Variants in ESCO1 observed in about 807,000 individuals in gnomAD.
The protein encoded by ESCO1 is N-acetyltransferase ESCO1.
A neutral mutation model predicts 83.5 loss-of-function variants in ESCO1; 33 were observed. The ratio of observed to expected loss-of-function variants is 0.40; its 90% CI spans 0.30 to 0.53. The LOEUF is 0.53. ESCO1 is among the 20% of genes least tolerant of loss of function. ESCO1 has a pLI of 0.63. For missense variants in ESCO1, 855 were observed against 968.0 expected, an observed-to-expected ratio of 0.88 and a Z score of 1.55; for synonymous variants, 332 against 324.3, an observed-to-expected ratio of 1.02 and a Z score of -0.25.
chr18:21,553,898 C>T (rs956084456), intron 8 of ESCO1, among the ~76,000 whole-genome samples: 3 of 149,636 alleles, frequency 2.0e-5, no homozygotes, highest in African/African-American at 4.9e-5. Flanking sequence ...CAAAAAAAAC[C>T]GTTACCCAAA....
Position 21,582,135 on chromosome 18 carries a change from T to C in ESCO1, c.-694+2175A>G, listed in dbSNP as rs2038511088. On this transcript the variant is annotated intron_variant, in intron 2 of 11. Transcript: ENST00000269214. ...GTGTTAGAAAAACTGGGTAACCATC[T>C]AGGTAACCTATTCTAGTTTATGAGT... Among the ~76,000 whole-genome samples, 5 of 152,234 alleles carry C rather than the reference T, an allele frequency of 3.3e-5. No homozygotes were observed. In the South Asian group the frequency reaches 1.0e-3, roughly 32 times the overall value.
At chr18:21,552,449 G>A (rs61475948) in intron 8 of ESCO1, among the ~76,000 whole-genome samples, 4 of 152,066 alleles carry the variant, frequency 2.6e-5, no homozygotes, top group African/African-American at 9.7e-5. Context: ...CCGTTTGCTC[G>A]GCACTTCTCT....
intron 10 of ESCO1, among the ~76,000 whole-genome samples, chr18:21,535,604 G>A (rs941262699): frequency 3.9e-5 from 6 of 152,018 alleles, no homozygotes; most frequent in African/African-American, 1.2e-4. Flanking sequence ...GGATGGTCTC[G>A]AACTCCTGAC....
chr18:21,531,509 A>C (rs1200056637), intron 11 of ESCO1, among the ~76,000 whole-genome samples: 2 of 151,016 alleles, frequency 1.3e-5, no homozygotes, highest in Non-Finnish European at 3.0e-5. Flanking sequence ...AAAACTATTA[A>C]ACACTGCAGT....
chr18:21,565,269 TTTG>T (rs889100613), intron 6 of ESCO1, among the ~76,000 whole-genome samples: 4 of 152,242 alleles, frequency 2.6e-5, no homozygotes, highest in African/African-American at 9.6e-5. Context: ...CTAAATACTG[TTTG>T]TTGTTAATCC....
At chr18:21,561,053 C>CTCT (rs2038179278) in intron 7 of ESCO1, 63 bp from the exon 8 acceptor site, 7 of 1,512,498 alleles carry the variant, frequency 4.6e-6, no homozygotes, top group Non-Finnish European at 6.2e-6. Flanking sequence ...GAATATCAGC[C>CTCT]TCTAAGGCTA....
intron 6 of ESCO1, among the ~76,000 whole-genome samples, chr18:21,565,317 A>G (rs2038244841): frequency 6.6e-6 from 1 of 152,220 alleles, no homozygotes; most frequent in South Asian, 2.1e-4. Context: ...TTTAATTCTG[A>G]CATTAAAAAG....
chr18:21,559,752 T>C (rs1237889362), intron 8 of ESCO1, among the ~76,000 whole-genome samples: 1 of 152,186 alleles, frequency 6.6e-6, no homozygotes, highest in Non-Finnish European at 1.5e-5. Flanking sequence ...TTTCAAATGA[T>C]AAAACAATAT....
chr18:21,550,092 GATTTTCAGAA>G (rs2038026914), intron 8 of ESCO1, among the ~76,000 whole-genome samples: 1 of 152,122 alleles, frequency 6.6e-6, no homozygotes, highest in Non-Finnish European at 1.5e-5. Context: ...TAAATGAACT[GATTTTCAGAA>G]ATGAACCAGC....
chr18:21,539,852 TAAAAA>T, intron 9 of ESCO1, 63 bp downstream of exon 9: 2 of 1,100,258 alleles, frequency 1.8e-6, no homozygotes, highest in Non-Finnish European at 2.6e-6. Flanking sequence ...TGTCTCAGGG[TAAAAA>T]AAAAAAAAAT....
intron 1 of ESCO1, among the ~76,000 whole-genome samples, chr18:21,599,216 A>G (rs1043236918): frequency 6.6e-6 from 1 of 152,172 alleles, no homozygotes; most frequent in Non-Finnish European, 1.5e-5. Flanking sequence ...GGACGCCTGT[A>G]GTCTCAGCCA....
intron 8 of ESCO1, among the ~76,000 whole-genome samples, chr18:21,559,316 A>C (rs1283709757): frequency 6.6e-6 from 1 of 152,226 alleles, no homozygotes; most frequent in East Asian, 1.9e-4. Context: ...TGGGGCAGGA[A>C]ATAATCTTCC....
At chr18:21,599,733 C>T (rs1475620668) in intron 1 of ESCO1, among the ~76,000 whole-genome samples, 1 of 152,138 alleles carries the variant, frequency 6.6e-6, no homozygotes, top group African/African-American at 2.4e-5. Context: ...CCCTGGTCCC[C>T]GCTGCGTCCC....
chr18:21,530,594 TA>T (rs1285749885), intron 11 of ESCO1, 104 bp from the exon 12 acceptor site: 2 of 1,159,088 alleles, frequency 1.7e-6, no homozygotes, highest in Non-Finnish European at 2.3e-6. Flanking sequence ...ACAATTTGAC[TA>T]AAAAAGCTTT....
intron 11 of ESCO1, 90 bp downstream of exon 11, chr18:21,532,383 C>T (rs1054049208): frequency 6.3e-5 from 84 of 1,325,958 alleles, no homozygotes; most frequent in African/African-American, 3.5e-4. Context: ...AAAGATTATA[C>T]GCATGTTAAT....
chr18:21,589,137 G>A (rs1363328612), intron 1 of ESCO1, among the ~76,000 whole-genome samples: 1 of 151,798 alleles, frequency 6.6e-6, no homozygotes, highest in Non-Finnish European at 1.5e-5. Flanking sequence ...TACTCAGGAG[G>A]CTGGGGCAGG....
intron 1 of ESCO1, among the ~76,000 whole-genome samples, chr18:21,592,432 C>A (rs1365303771): frequency 5.6e-5 from 8 of 143,096 alleles, no homozygotes; most frequent in Admixed American, 4.1e-4. Flanking sequence ...GGGGGGCTGA[C>A]CCCCCCACCT....
At chr18:21,543,470 C>T (rs2037932729) in intron 8 of ESCO1, among the ~76,000 whole-genome samples, 1 of 152,106 alleles carries the variant, frequency 6.6e-6, no homozygotes, top group African/African-American at 2.4e-5. Flanking sequence ...ATTGGAGTTA[C>T]TCTAAACTGT....
At chr18:21,536,922 TC>T (rs981710170) in intron 9 of ESCO1, among the ~76,000 whole-genome samples, 2 of 152,204 alleles carry the variant, frequency 1.3e-5, no homozygotes, top group Non-Finnish European at 2.9e-5. Flanking sequence ...TTACTTCCTA[TC>T]AACCACTTAT....
Sources: allele counts gnomAD v4.1 joint callset (sites outside exome capture counted in the v4.1 genomes callset), GRCh38; gene constraint gnomAD v4.1.1; transcripts MANE v1.5; gene names NCBI Gene and HGNC (gene_info 2026-07-23, HGNC 2026-07-21).